FGF14: variants seen among roughly 807,000 people sequenced by gnomAD.
FGF14 encodes fibroblast growth factor homologous factor 4.
A neutral mutation model predicts 25.5 loss-of-function variants in FGF14; 5 were observed. The ratio of observed to expected loss-of-function variants is 0.20; its 90% CI spans 0.10 to 0.41. The LOEUF (loss-of-function observed/expected upper bound fraction) is 0.41, where lower values mean the gene tolerates loss of function less well. Among genes scored for constraint, FGF14 ranks in the 10% least tolerant of loss-of-function variants. The pLI is 1.00. For missense variants in FGF14, 222 were observed against 320.1 expected, an observed-to-expected ratio of 0.69 and a Z score of 2.34; for synonymous variants, 138 against 118.3, an observed-to-expected ratio of 1.17 and a Z score of -1.08.
chr13:101,898,168 T>C (rs1303873378), intron 1 of FGF14, among the ~76,000 whole-genome samples: 1 of 152,202 alleles, frequency 6.6e-6, no homozygotes, highest in African/African-American at 2.4e-5. Context: ...ATATTGGGAT[T>C]ACAGGCATGA....
At chr13:101,964,199 G>C (rs1160067354) in intron 1 of FGF14, among the ~76,000 whole-genome samples, 2 of 151,892 alleles carry the variant, frequency 1.3e-5, no homozygotes, top group Admixed American at 6.6e-5. Context: ...TTAAATTAAG[G>C]GTTTCCCCTC....
At chr13:102,028,181 G>T (rs1224144464) in intron 1 of FGF14, among the ~76,000 whole-genome samples, 1 of 152,018 alleles carries the variant, frequency 6.6e-6, no homozygotes, top group East Asian at 1.9e-4. Flanking sequence ...CTTTCTTCCC[G>T]AATGGTCTGC....
intron 1 of FGF14, among the ~76,000 whole-genome samples, chr13:102,260,005 AT>A (rs2052640267): frequency 6.6e-6 from 1 of 152,118 alleles, no homozygotes; most frequent in South Asian, 2.1e-4. Context: ...GAGATTCATA[AT>A]GTACATGTTG....
intron 1 of FGF14, among the ~76,000 whole-genome samples, chr13:102,090,674 G>A (rs1357408850): frequency 1.3e-5 from 2 of 152,220 alleles, no homozygotes; most frequent in Non-Finnish European, 2.9e-5. Context: ...TTCGCTTTCA[G>A]AAGTAGGGCT....
intron 1 of FGF14, among the ~76,000 whole-genome samples, chr13:102,153,833 C>T (rs2047196078): frequency 6.6e-6 from 1 of 152,134 alleles, no homozygotes; most frequent in African/African-American, 2.4e-5. Context: ...CACAAGTAAT[C>T]ACAGATGCAA....
rs1187198677 is a variant in FGF14 at position 102,057,584 on chromosome 13, CATT to C, written c.209-182291_209-182289del. ...TTTTTAATACTGTATTCTCAGTGAC[CATT>C]ATAGTATTTGAAACATAGGGAGCAT... is the stretch of plus-strand genomic sequence containing the variant. On this transcript the variant is annotated intron_variant, in intron 1 of 4. Coordinates refer to the FGF14 transcript ENST00000376131. Among the ~76,000 whole-genome samples the C allele has an allele frequency of 3.3e-5, 5 of 152,054 alleles. No individual in the cohort carries two copies. In the South Asian group the frequency reaches 6.2e-4, roughly 19 times the overall value.
At chr13:102,212,564 T>TTCTC (rs1566823206) in intron 1 of FGF14, among the ~76,000 whole-genome samples, 1 of 152,172 alleles carries the variant, frequency 6.6e-6, no homozygotes, top group Non-Finnish European at 1.5e-5. Flanking sequence ...ACCATATCTC[T>TTCTC]CTTCTCCTTC....
chr13:101,896,727 A>G (rs1007919547), intron 1 of FGF14, among the ~76,000 whole-genome samples: 4 of 152,156 alleles, frequency 2.6e-5, no homozygotes, highest in South Asian at 2.1e-4. Flanking sequence ...GCAGACATGT[A>G]TATCTGTGTG....
At chr13:102,252,308 G>C (rs917006283) in intron 1 of FGF14, among the ~76,000 whole-genome samples, 3 of 152,152 alleles carry the variant, frequency 2.0e-5, no homozygotes, top group African/African-American at 7.2e-5. Context: ...GCAGTATTCA[G>C]GTTTTGATTC....
chr13:102,214,199 G>C (rs61126776), intron 1 of FGF14, among the ~76,000 whole-genome samples: 1,574 of 152,328 alleles, frequency 0.01, 34 homozygotes, highest in African/African-American at 0.035. Context: ...CATCGCTGTT[G>C]CTCAGGAAGA....
At chr13:102,191,301 T>C (rs1020790200) in intron 1 of FGF14, among the ~76,000 whole-genome samples, 6 of 152,232 alleles carry the variant, frequency 3.9e-5, no homozygotes. Context: ...GTCTGTGTGC[T>C]TGGGCTGCCA....
intron 1 of FGF14, among the ~76,000 whole-genome samples, chr13:102,078,153 A>T (rs1290301929): frequency 1.3e-5 from 2 of 152,178 alleles, no homozygotes; most frequent in African/African-American, 4.8e-5. Context: ...GGCTCAGAAG[A>T]TTTTGGTCAA....
At chr13:102,052,611 G>GA (rs1484035608) in intron 1 of FGF14, among the ~76,000 whole-genome samples, 1 of 151,400 alleles carries the variant, frequency 6.6e-6, no homozygotes, top group Non-Finnish European at 1.5e-5. Flanking sequence ...TATAGGCCAG[G>GA]AAAAAGTGAA....
intron 1 of FGF14, among the ~76,000 whole-genome samples, chr13:102,375,865 A>T (rs949947960): frequency 2.0e-5 from 3 of 152,206 alleles, no homozygotes; most frequent in African/African-American, 7.2e-5. Flanking sequence ...TAACCAAAAG[A>T]ATAGGATGTA....
chr13:101,915,569 G>A (rs1377674541), intron 1 of FGF14, among the ~76,000 whole-genome samples: 3 of 152,138 alleles, frequency 2.0e-5, no homozygotes, highest in Non-Finnish European at 4.4e-5. Flanking sequence ...AGAGACAAAA[G>A]CGCCTGGCTC....
chr13:102,238,750 T>C (rs2051445387), intron 1 of FGF14, among the ~76,000 whole-genome samples: 2 of 152,234 alleles, frequency 1.3e-5, no homozygotes, highest in Admixed American at 1.3e-4. Flanking sequence ...TGTAATTAGT[T>C]AGAGATTTAT....
At chr13:101,805,059 G>T (rs1266085153) in intron 3 of FGF14, among the ~76,000 whole-genome samples, 1 of 152,054 alleles carries the variant, frequency 6.6e-6, no homozygotes, top group Non-Finnish European at 1.5e-5. Context: ...TTATAGTAAG[G>T]TATTACATTA....
At chr13:101,723,510 CAAAT>C (rs1458011670) in intron 4 of FGF14, among the ~76,000 whole-genome samples, 3 of 152,162 alleles carry the variant, frequency 2.0e-5, no homozygotes, top group East Asian at 1.9e-4. Context: ...AAAATAATAA[CAAAT>C]AACTCTCTTC....
At position 102,063,658 on chromosome 13, in the gene FGF14, C is replaced by T. The variant is rs2042781162; in HGVS notation, c.209-188362G>A. Among the ~76,000 whole-genome samples, 6 of 151,368 alleles carry T rather than the reference C, an allele frequency of 4.0e-5. No individual in the cohort carries two copies. The South Asian group carries it at 6.3e-4, about 16-fold the overall frequency. ...CAATGCTAAAACATTAACCCAATAA[C>T]ATTAAAATCATGAAAAAAAGAATGT... On this transcript the variant is annotated intron_variant, in intron 1 of 4. Transcript: ENST00000376131.
Sources: gnomAD v4.1 joint callset for allele counts (sites outside exome capture counted in the v4.1 genomes callset) on GRCh38, gnomAD v4.1.1 for gene constraint, MANE v1.5 for transcripts, NCBI Gene and HGNC (gene_info 2026-07-23, HGNC 2026-07-21) for gene names.